The following MTMR7 variants were observed in gnomAD, a reference collection of about 807,000 sequenced individuals.
MTMR7 encodes the protein phosphatidylinositol-3-phosphate phosphatase MTMR7.
A neutral mutation model predicts 81.2 loss-of-function variants in MTMR7; 76 were observed. The ratio of observed to expected loss-of-function variants is 0.94; its 90% CI spans 0.78 to 1.13. The LOEUF is 1.13. Among genes scored for constraint, MTMR7 ranks in the 50% most tolerant of loss-of-function variants. MTMR7 has a pLI of 0.00. For missense variants in MTMR7, 1,044 were observed against 820.0 expected (o/e 1.27, Z -3.34); for synonymous variants, 372 against 289.8 (o/e 1.28, Z -2.88).
chr8:17,348,498 C>T (rs983764749), intron 5 of MTMR7, among the ~76,000 whole-genome samples: 3 of 147,726 alleles, frequency 2.0e-5, no homozygotes, highest in South Asian at 4.2e-4. Flanking sequence ...TGCAGTGAGC[C>T]GAGATTGCAC....
chr8:17,405,738 C>T (rs1190159730), intron 1 of MTMR7, among the ~76,000 whole-genome samples: 1 of 151,516 alleles, frequency 6.6e-6, no homozygotes, highest in Non-Finnish European at 1.5e-5. Context: ...ATAATGTGGA[C>T]TATGTGGTTA....
intron 7 of MTMR7, among the ~76,000 whole-genome samples, chr8:17,316,002 C>T (rs1818047871): frequency 6.6e-6 from 1 of 152,112 alleles, no homozygotes; most frequent in Non-Finnish European, 1.5e-5. Context: ...GATGACAGAG[C>T]CAGATCCTAT....
rs754247603 is a variant in MTMR7, at chr8:17,309,278, G to A, written c.1150C>T (p.Arg384Ter). The A allele has an allele frequency of 8.5e-6, 13 of 1,526,594 alleles. No homozygotes were observed. The highest frequency in any genetic ancestry group is 1.7e-5 in the Admixed American group (1 of 58,776). 94.6% of individuals were successfully genotyped at this position (1,526,594 alleles called of 1,614,324 possible). A position where few individuals can be genotyped will look rare whatever the true frequency, so the allele number is the denominator to read the frequency against. ...AAAACAGTCTTAAATATTACTTACC[G>A]GTGATTAAACTTATGACCAAAGGAA... ...WISFGHKFNH[R>*]YGNLDGDPKE... The change falls in exon 10 of 14, where the codon CGA becomes TGA. Residue 384 changes from arginine (R) to a stop codon, truncating the protein, a stop_gained and splice_region_variant. Transcript: ENST00000180173. LOFTEE classifies it high-confidence loss of function.
intron 1 of MTMR7, among the ~76,000 whole-genome samples, chr8:17,380,403 G>C (rs1431206569): frequency 1.3e-5 from 2 of 152,090 alleles, no homozygotes; most frequent in African/African-American, 2.4e-5. Context: ...TCATAGTTCT[G>C]TTGAACTTGA....
At chr8:17,392,281 T>C (rs938214512) in intron 1 of MTMR7, among the ~76,000 whole-genome samples, 1 of 152,118 alleles carries the variant, frequency 6.6e-6, no homozygotes, top group Middle Eastern at 3.2e-3. Flanking sequence ...CCAAACCTAA[T>C]CAGTTAATAA....
rs1347122515 is a variant in MTMR7 at position 17,337,949 on chromosome 8, T to C, written c.732+3414A>G. On this transcript the variant is annotated intron_variant, in intron 6 of 13. Transcript: ENST00000180173. Reference sequence around the variant, plus strand: ...AAGGCCAGGAACGATTCAGGTCAGCTCCTAATCCTTTTTCTTTTTAATGAA... The same window carrying C: ...AAGGCCAGGAACGATTCAGGTCAGCCCCTAATCCTTTTTCTTTTTAATGAA... Among the ~76,000 whole-genome samples the C allele has an allele frequency of 2.0e-5, 3 of 152,284 alleles. No homozygotes were observed. In the East Asian group the frequency reaches 5.8e-4, roughly 29 times the overall value.
At chr8:17,367,717 C>T (rs769467063) in intron 3 of MTMR7, among the ~76,000 whole-genome samples, 13 of 152,116 alleles carry the variant, frequency 8.5e-5, no homozygotes, top group Non-Finnish European at 1.5e-4. Context: ...TTTTAAGTTG[C>T]CTGAATTCAG....
At chr8:17,383,102 C>A (rs1585110686) in intron 1 of MTMR7, among the ~76,000 whole-genome samples, 1 of 151,796 alleles carries the variant, frequency 6.6e-6, no homozygotes, top group Admixed American at 6.6e-5. Flanking sequence ...TGGAAGGTCC[C>A]AGGGAAGGGA....
chr8:17,364,786 T>C (rs1340924124), intron 3 of MTMR7, among the ~76,000 whole-genome samples: 1 of 152,254 alleles, frequency 6.6e-6, no homozygotes, highest in African/African-American at 2.4e-5. Flanking sequence ...ATTATTTGTA[T>C]ATACCATGTT....
At chr8:17,377,583 TTGTC>T (rs144570419) in intron 1 of MTMR7, among the ~76,000 whole-genome samples, 5,052 of 152,200 alleles carry the variant, frequency 0.033, 443 homozygotes, top group East Asian at 0.3. Context: ...CATGTGGTTT[TTGTC>T]TGTCTGTTTC....
At chr8:17,410,500 G>A (rs7814798) in intron 1 of MTMR7, among the ~76,000 whole-genome samples, 12,520 of 152,150 alleles carry the variant, frequency 0.082, 1,507 homozygotes, top group African/African-American at 0.26. Flanking sequence ...CAGTGAAGTA[G>A]AAACCTAGAA....
intron 1 of MTMR7, among the ~76,000 whole-genome samples, chr8:17,381,052 G>A (rs765613133): frequency 7.2e-5 from 11 of 152,122 alleles, no homozygotes; most frequent in Admixed American, 5.9e-4. Context: ...GCCTATGTGT[G>A]GCACTGTGTC....
intron 1 of MTMR7, among the ~76,000 whole-genome samples, chr8:17,406,910 C>A (rs1361433736): frequency 6.6e-6 from 1 of 152,002 alleles, no homozygotes; most frequent in African/African-American, 2.4e-5. Context: ...GAAAAACAAA[C>A]ATATATAGAG....
In MTMR7 at chr8:17,297,978, T is replaced by G. The variant is rs1304459076; in HGVS notation, c.*1884A>C. ...AAACTACATTTTAAAACATCAAATA[T>G]TTATACTATTTGCTTTTCAAATAAA... On this transcript the variant is annotated 3_prime_UTR_variant, in exon 14 of 14. Coordinates refer to ENST00000180173, the MANE Select transcript of MTMR7 (RefSeq NM_004686.5). 1 of 152,094 alleles carries G rather than the reference T, an allele frequency of 6.6e-6. No individual in the cohort carries two copies. Among genetic ancestry groups the G allele is most frequent in the African/African-American group, 2.4e-5 (1 of 41,460 alleles). 9.4% of individuals were successfully genotyped at this position (152,094 alleles called of 1,614,324 possible).
At chr8:17,341,322 A>G (rs977160004) in intron 6 of MTMR7, 41 bp downstream of exon 6, 2 of 1,608,980 alleles carry the variant, frequency 1.2e-6, no homozygotes, top group Non-Finnish European at 8.5e-7. Context: ...CCAGTTTCAC[A>G]ACTCAGGTGC....
At chr8:17,384,279 C>T (rs1481744959) in intron 1 of MTMR7, among the ~76,000 whole-genome samples, 1 of 152,090 alleles carries the variant, frequency 6.6e-6, no homozygotes, top group Non-Finnish European at 1.5e-5. Context: ...GGCATAGTGG[C>T]AGGCACCTGT....
At chr8:17,311,842 A>T in intron 8 of MTMR7, 1 of 673,252 alleles carries the variant, frequency 1.5e-6, no homozygotes, top group East Asian at 2.8e-5. Context: ...TTCCCATTCT[A>T]TCCAGAAGCC....
chr8:17,372,302 C>G (rs1177697419), intron 2 of MTMR7, among the ~76,000 whole-genome samples: 1 of 152,108 alleles, frequency 6.6e-6, no homozygotes, highest in Non-Finnish European at 1.5e-5. Flanking sequence ...ATAATAAGGC[C>G]ACACACGGTG....
At chr8:17,379,637 A>G (rs73208995) in intron 1 of MTMR7, among the ~76,000 whole-genome samples, 7,546 of 152,240 alleles carry the variant, frequency 0.05, 242 homozygotes, top group Non-Finnish European at 0.07. Flanking sequence ...ACTAGGAAAC[A>G]TGTACTTATT....
Sources: gnomAD v4.1 joint callset for allele counts (sites outside exome capture counted in the v4.1 genomes callset) on GRCh38, gnomAD v4.1.1 for gene constraint, MANE v1.5 for transcripts, NCBI Gene and HGNC (gene_info 2026-07-23, HGNC 2026-07-21) for gene names.